KIFAP3: variants seen among roughly 807,000 people sequenced by gnomAD.
The protein encoded by KIFAP3 is kinesin-associated protein 3.
A neutral mutation model predicts 106.5 loss-of-function variants in KIFAP3; 68 were observed. The observed-to-expected ratio is 0.64, with a 90% CI of 0.53 to 0.78. KIFAP3 has a LOEUF of 0.78. Ranked by LOEUF, KIFAP3 falls within the 30% of genes least tolerant of loss-of-function variation. KIFAP3 has a pLI of 0.00. For missense variants in KIFAP3, 780 were observed against 941.8 expected, an observed-to-expected ratio of 0.83 and a Z score of 2.25; for synonymous variants, 320 against 311.5, an observed-to-expected ratio of 1.03 and a Z score of -0.29.
chr1:169,929,708 T>C (rs1663357674), intron 19 of KIFAP3, among the ~76,000 whole-genome samples: 1 of 152,158 alleles, frequency 6.6e-6, no homozygotes, highest in Admixed American at 6.5e-5. Context: ...TAAAACTAAA[T>C]GGCTACAGCA....
intron 19 of KIFAP3, among the ~76,000 whole-genome samples, chr1:169,932,704 T>A (rs1334418905): frequency 1.1e-5 from 1 of 94,088 alleles, no homozygotes; most frequent in Admixed American, 1.4e-4. Flanking sequence ...TTTTTTTTTT[T>A]AATTAATGTT....
At chr1:170,061,668 T>C (rs1266191614) in intron 1 of KIFAP3, among the ~76,000 whole-genome samples, 3 of 152,190 alleles carry the variant, frequency 2.0e-5, no homozygotes, top group Non-Finnish European at 2.9e-5. Flanking sequence ...ACTGGGTATA[T>C]ACACAAAGGA....
chr1:169,984,657 G>A lies in KIFAP3; in HGVS notation c.1318C>T (p.Arg440Ter), dbSNP rs773342799. The change falls in exon 12 of 20, where the codon CGA (arginine) becomes TGA (stop). Residue 440 changes from arginine to a stop codon, truncating the protein, a stop_gained. Transcript: ENST00000361580. LOFTEE classifies it high-confidence loss of function. ...MKMLFECSDERIDLELISFCI... is the reference protein window; with the variant it reads ...MKMLFECSDE ...AAAGAAATGAGTTCCAAGTCAATTC[G>A]TTCATCTGAACATTCAAACAGCATC... 1.2e-6 allele frequency: 2 copies of A among 1,606,534 alleles called. No homozygotes were observed. The highest frequency in any genetic ancestry group is 1.7e-6 in the Non-Finnish European group (2 of 1,174,706).
At chr1:169,966,149 C>A (rs957785993) in intron 17 of KIFAP3, among the ~76,000 whole-genome samples, 8 of 151,924 alleles carry the variant, frequency 5.3e-5, no homozygotes, top group South Asian at 2.1e-4. Context: ...TAGGTTTAAT[C>A]TCTACGACTA....
intron 9 of KIFAP3, among the ~76,000 whole-genome samples, chr1:170,017,717 G>A (rs1298294406): frequency 6.6e-6 from 1 of 152,102 alleles, no homozygotes; most frequent in Non-Finnish European, 1.5e-5. Flanking sequence ...TCCTAGACCA[G>A]GAATACTCCT....
chr1:170,070,351 G>C (rs1258097982), intron 1 of KIFAP3, among the ~76,000 whole-genome samples: 1 of 151,980 alleles, frequency 6.6e-6, no homozygotes, highest in East Asian at 1.9e-4. Context: ...AAACAACCTT[G>C]AAAAAGAACA....
At chr1:170,012,557 C>T (rs1200886169) in intron 10 of KIFAP3, among the ~76,000 whole-genome samples, 1 of 152,086 alleles carries the variant, frequency 6.6e-6, no homozygotes, top group South Asian at 2.1e-4. Flanking sequence ...TTTTAAAAGA[C>T]ATTCTGCTAT....
At chr1:170,082,283 CATAA>C (rs1265077875) in intron 1 of KIFAP3, among the ~76,000 whole-genome samples, 3 of 152,118 alleles carry the variant, frequency 2.0e-5, no homozygotes, top group African/African-American at 7.2e-5. Flanking sequence ...ATATATGCAA[CATAA>C]ATAAATCTTT....
intron 19 of KIFAP3, among the ~76,000 whole-genome samples, chr1:169,951,601 T>C (rs1317939654): frequency 2.6e-5 from 4 of 151,928 alleles, no homozygotes; most frequent in Admixed American, 6.6e-5. Context: ...GTGGAATACA[T>C]TTATCTCTCT....
intron 18 of KIFAP3, among the ~76,000 whole-genome samples, chr1:169,959,892 C>T (rs915161383): frequency 6.6e-6 from 1 of 152,074 alleles, no homozygotes; most frequent in African/African-American, 2.4e-5. Context: ...AATTAATGAT[C>T]TACTCCATCT....
intron 9 of KIFAP3, among the ~76,000 whole-genome samples, chr1:170,017,341 C>T (rs60825089): frequency 1.3e-5 from 2 of 149,490 alleles, no homozygotes; most frequent in African/African-American, 4.9e-5. Flanking sequence ...ATACAATGCT[C>T]TGAAAACAGC....
intron 16 of KIFAP3, among the ~76,000 whole-genome samples, chr1:169,977,184 G>C (rs1666260646): frequency 6.6e-6 from 1 of 152,140 alleles, no homozygotes; most frequent in Admixed American, 6.6e-5. Context: ...GTGAATAAAT[G>C]AATGTTTAAT....
At chr1:170,006,374 C>T (rs2101975274) in intron 10 of KIFAP3, among the ~76,000 whole-genome samples, 1 of 152,116 alleles carries the variant, frequency 6.6e-6, no homozygotes, top group South Asian at 2.1e-4. Flanking sequence ...AATGGTGGTT[C>T]AATATTATTC....
intron 19 of KIFAP3, among the ~76,000 whole-genome samples, chr1:169,933,813 C>T (rs1181847923): frequency 6.6e-6 from 1 of 152,038 alleles, no homozygotes; most frequent in Non-Finnish European, 1.5e-5. Context: ...ATGAACTTAT[C>T]AATAACTCCT....
intron 11 of KIFAP3, 75 bp from the exon 12 acceptor site, chr1:169,984,765 C>A: frequency 5.5e-6 from 4 of 727,252 alleles, no homozygotes; most frequent in South Asian, 1.7e-5. Context: ...ATATTTTTAT[C>A]ATAATGTGTT....
intron 19 of KIFAP3, among the ~76,000 whole-genome samples, chr1:169,941,628 C>CTA (rs1460060903): frequency 7.2e-5 from 11 of 151,884 alleles, no homozygotes; most frequent in African/African-American, 2.7e-4. Context: ...TTCATATTTC[C>CTA]ATATATAAAT....
At chr1:170,059,557 AT>A (rs548943699) in intron 1 of KIFAP3, among the ~76,000 whole-genome samples, 54 of 152,304 alleles carry the variant, frequency 3.5e-4, no homozygotes, top group African/African-American at 1.3e-3. Context: ...CCAGGACCAG[AT>A]GGATTCACAG....
intron 19 of KIFAP3, among the ~76,000 whole-genome samples, chr1:169,947,252 C>G (rs1241254410): frequency 6.6e-6 from 1 of 151,830 alleles, no homozygotes; most frequent in Non-Finnish European, 1.5e-5. Flanking sequence ...TAACTGAATA[C>G]AATTATAACA....
At chr1:170,049,792 A>C (rs1227756225) in intron 2 of KIFAP3, among the ~76,000 whole-genome samples, 1 of 151,096 alleles carries the variant, frequency 6.6e-6, no homozygotes, top group Non-Finnish European at 1.5e-5. Context: ...AACAACAACA[A>C]CATCAACAAA....
Sources: gnomAD v4.1 joint callset for allele counts (sites outside exome capture counted in the v4.1 genomes callset) on GRCh38, gnomAD v4.1.1 for gene constraint, MANE v1.5 for transcripts, NCBI Gene and HGNC (gene_info 2026-07-23, HGNC 2026-07-21) for gene names.